Variants in VTI1A observed in about 807,000 individuals in gnomAD.
VTI1A encodes vesicle transport through interaction with t-SNAREs 1A, also known as vesicle transport through interaction with t-SNAREs homolog 1A.
A neutral mutation model predicts 34.9 loss-of-function variants in VTI1A; 22 were observed. The observed-to-expected ratio is 0.63, with a 90% CI of 0.45 to 0.90. The LOEUF is 0.90. VTI1A is among the 40% of genes least tolerant of loss of function. The probability of loss-of-function intolerance (pLI) is 0.00; values close to 1 mark genes in which losing one functional copy is unlikely to be tolerated. For missense variants in VTI1A, 268 were observed against 275.6 expected (o/e 0.97, Z 0.20); for synonymous variants, 87 against 97.3 (o/e 0.89, Z 0.62).
intron 7 of VTI1A, among the ~76,000 whole-genome samples, chr10:112,735,987 T>C (rs954933516): frequency 6.6e-6 from 1 of 150,408 alleles, no homozygotes; most frequent in African/African-American, 2.4e-5. Flanking sequence ...TTCTGAGTGG[T>C]GAAATTTAAA....
At chr10:112,595,854 C>T (rs1260631896) in intron 5 of VTI1A, among the ~76,000 whole-genome samples, 1 of 152,118 alleles carries the variant, frequency 6.6e-6, no homozygotes, top group African/African-American at 2.4e-5. Context: ...TATAAAGACA[C>T]ATGCACCCGT....
At chr10:112,597,233 T>G (rs1451787010) in intron 5 of VTI1A, among the ~76,000 whole-genome samples, 1 of 152,194 alleles carries the variant, frequency 6.6e-6, no homozygotes, top group Non-Finnish European at 1.5e-5. Flanking sequence ...GTTTGTTTTT[T>G]TGAGACAGAA....
the VTI1A span, among the ~76,000 whole-genome samples, chr10:112,835,766 T>C: frequency 6.6e-6 from 1 of 152,184 alleles, no homozygotes; most frequent in Non-Finnish European, 1.5e-5. Flanking sequence ...AAAAGTATTA[T>C]ATGGTGTTTT....
At chr10:112,801,719 T>C (rs1852884454) in intron 7 of VTI1A, among the ~76,000 whole-genome samples, 1 of 152,234 alleles carries the variant, frequency 6.6e-6, no homozygotes, top group Admixed American at 6.5e-5. Context: ...CCATTCTTTC[T>C]GTCTCATACT....
chr10:112,742,577 G>A (rs1564908268), intron 7 of VTI1A, among the ~76,000 whole-genome samples: 1 of 152,196 alleles, frequency 6.6e-6, no homozygotes, highest in Non-Finnish European at 1.5e-5. Flanking sequence ...TCCAGGAGTG[G>A]AGGCTGCTAA....
the VTI1A span, among the ~76,000 whole-genome samples, chr10:112,835,090 G>A: frequency 4.5e-3 from 683 of 152,216 alleles, 6 homozygotes; most frequent in African/African-American, 0.015. Flanking sequence ...GGGCCCGTGC[G>A]CTTCTCGACT....
At chr10:112,510,392 C>T (rs765570817) in intron 3 of VTI1A, among the ~76,000 whole-genome samples, 2 of 151,996 alleles carry the variant, frequency 1.3e-5, no homozygotes, top group Non-Finnish European at 2.9e-5. Context: ...CCCAGCATTT[C>T]GGGAGGCTGA....
At chr10:112,737,028 G>A (rs1850506493) in intron 7 of VTI1A, 1 of 516,766 alleles carries the variant, frequency 1.9e-6, no homozygotes, top group Non-Finnish European at 3.4e-6. Context: ...AATAATCAAG[G>A]GAGAAACCCA....
intron 2 of VTI1A, 81 bp downstream of exon 2, chr10:112,460,663 T>C: frequency 1.8e-6 from 2 of 1,125,706 alleles, no homozygotes; most frequent in Non-Finnish European, 2.4e-6. Context: ...TTTTATACAT[T>C]GTGGAAATGT....
chr10:112,666,271 T>C (rs2133830973), intron 5 of VTI1A, among the ~76,000 whole-genome samples: 1 of 152,320 alleles, frequency 6.6e-6, no homozygotes, highest in East Asian at 1.9e-4. Context: ...GAGGAGCTAC[T>C]ATACTGGGAA....
rs186777684 is a variant in VTI1A at position 112,541,857 on chromosome 10, T to G, written c.427+3527T>G. 1.4e-4 allele frequency among the ~76,000 whole-genome samples: 22 copies of G among 152,328 alleles called. No homozygotes were observed. In the East Asian group the frequency reaches 4.1e-3, roughly 28 times the overall value. Reference sequence around the variant, plus strand: ...CCAGTCAGGTTTCTTTGATGGATCCTTTCTTATTTGAGAATATTGATGAAG... The same window carrying G: ...CCAGTCAGGTTTCTTTGATGGATCCGTTCTTATTTGAGAATATTGATGAAG... On this transcript the variant is annotated intron_variant, in intron 5 of 7. Coordinates refer to ENST00000393077, the MANE Select transcript of VTI1A (RefSeq NM_145206.4).
rs201001465 is a variant in VTI1A, at chr10:112,473,103, C to CTT, written c.264+8463_264+8464dup. On this transcript the variant is annotated intron_variant, in intron 3 of 7. Transcript: ENST00000393077. ...CATAACAATGAGGTCATTTGATCCACTTTTTTTTTTTTTTTTTTCTTTTTG... is the reference window on the plus strand; with the variant it reads ...CATAACAATGAGGTCATTTGATCCACTTTTTTTTTTTTTTTTTTTTCTTTTTG... 2.6e-4 allele frequency among the ~76,000 whole-genome samples: 35 copies of CTT among 133,870 alleles called. 1 individual carries two copies. The highest frequency in any genetic ancestry group is 2.4e-4 in the Non-Finnish European group (15 of 62,044). 87.8% of individuals were successfully genotyped at this position (133,870 alleles called of 152,430 possible). A position where few individuals can be genotyped will look rare whatever the true frequency, so the allele number is the denominator to read the frequency against.
At chr10:112,806,189 C>G (rs1417431594) in intron 7 of VTI1A, among the ~76,000 whole-genome samples, 3 of 152,180 alleles carry the variant, frequency 2.0e-5, no homozygotes, top group African/African-American at 7.2e-5. Context: ...GGATGACTGA[C>G]TACACCTAAA....
At chr10:112,793,854 C>A (rs1852578909) in intron 7 of VTI1A, among the ~76,000 whole-genome samples, 1 of 152,160 alleles carries the variant, frequency 6.6e-6, no homozygotes, top group Admixed American at 6.5e-5. Context: ...ATTGCAGTTG[C>A]AGGCATGAGG....
intron 3 of VTI1A, among the ~76,000 whole-genome samples, chr10:112,471,622 G>A (rs1848088018): frequency 1.3e-5 from 2 of 151,824 alleles, no homozygotes; most frequent in Admixed American, 6.6e-5. Flanking sequence ...CAACCTGCCC[G>A]CCTTTGAGTT....
intron 5 of VTI1A, among the ~76,000 whole-genome samples, chr10:112,540,527 C>CT (rs1850827073): frequency 6.6e-6 from 1 of 152,116 alleles, no homozygotes; most frequent in South Asian, 2.1e-4. Flanking sequence ...TGTACATGGA[C>CT]GGGAGTCATC....
At chr10:112,552,713 T>G (rs1384936867) in intron 5 of VTI1A, among the ~76,000 whole-genome samples, 1 of 152,202 alleles carries the variant, frequency 6.6e-6, no homozygotes, top group Non-Finnish European at 1.5e-5. Flanking sequence ...CTTACTACAA[T>G]GAATCCCCTC....
chr10:112,562,736 AG>A (rs1214923196), intron 5 of VTI1A, among the ~76,000 whole-genome samples: 6 of 152,088 alleles, frequency 3.9e-5, no homozygotes, highest in South Asian at 2.1e-4. Context: ...GAATTTGAAA[AG>A]GGGGGAAAAT....
chr10:112,645,475 CTATA>C (rs780168281), intron 5 of VTI1A, among the ~76,000 whole-genome samples: 1 of 152,186 alleles, frequency 6.6e-6, no homozygotes, highest in Non-Finnish European at 1.5e-5. Context: ...AGTGCTAGGG[CTATA>C]TAAAGGAGCC....
Sources: gnomAD v4.1 joint callset for allele counts (sites outside exome capture counted in the v4.1 genomes callset) on GRCh38, gnomAD v4.1.1 for gene constraint, MANE v1.5 for transcripts, NCBI Gene and HGNC (gene_info 2026-07-23, HGNC 2026-07-21) for gene names.